FBXL13: variants seen among roughly 807,000 people sequenced by gnomAD.
The protein encoded by FBXL13 is F-box and leucine rich repeat protein 13.
In FBXL13, 67 loss-of-function variants were observed where a neutral mutation model predicts 83.6. That is an observed-to-expected ratio of 0.80 (90% CI 0.66 to 0.98). The LOEUF (loss-of-function observed/expected upper bound fraction) is 0.98, where lower values mean the gene tolerates loss of function less well. Ranked by LOEUF, FBXL13 falls within the 50% of genes least tolerant of loss-of-function variation. FBXL13 has a pLI of 0.00. For missense variants in FBXL13, 822 were observed against 866.5 expected (o/e 0.95, Z 0.64); for synonymous variants, 272 against 299.5 (o/e 0.91, Z 0.95).
intron 17 of FBXL13, among the ~76,000 whole-genome samples, chr7:102,848,543 G>A (rs1257594402): frequency 4.2e-5 from 1 of 23,568 alleles, no homozygotes; most frequent in Non-Finnish European, 5.9e-5. Context: ...GCGACAGAGC[G>A]AGACTCCGTC....
At chr7:102,959,337 A>G (rs1342881701) in intron 8 of FBXL13, among the ~76,000 whole-genome samples, 1 of 151,886 alleles carries the variant, frequency 6.6e-6, no homozygotes, top group Non-Finnish European at 1.5e-5. Context: ...AATTCTATCT[A>G]TTTGCACAAC....
At chr7:103,029,611 AT>A (rs1794297043) in intron 2 of FBXL13, among the ~76,000 whole-genome samples, 193 bp from the exon 4 acceptor site, 2 of 152,074 alleles carry the variant, frequency 1.3e-5, no homozygotes, top group African/African-American at 2.4e-5. Context: ...TCTGTAAGCT[AT>A]TTTTTTAAGT....
intron 1 of FBXL13, among the ~76,000 whole-genome samples, chr7:103,065,125 C>G (rs892876482): frequency 5.9e-5 from 9 of 152,112 alleles, no homozygotes; most frequent in African/African-American, 2.2e-4. Flanking sequence ...GACTACACAG[C>G]CAAATCAAAT....
At chr7:103,056,047 T>C (rs1429502435) in intron 1 of FBXL13, among the ~76,000 whole-genome samples, 6 of 152,284 alleles carry the variant, frequency 3.9e-5, no homozygotes, top group South Asian at 2.1e-4. Context: ...TGTATCATTC[T>C]ATGTCTTTGC....
intron 6 of FBXL13, among the ~76,000 whole-genome samples, chr7:102,974,680 G>A (rs2129482712): frequency 1.3e-5 from 2 of 152,088 alleles, no homozygotes; most frequent in South Asian, 4.2e-4. Context: ...TCGCCACCCA[G>A]ATCACCTTTC....
intron 10 of FBXL13, among the ~76,000 whole-genome samples, chr7:102,924,116 T>C (rs1365730984): frequency 6.6e-6 from 1 of 151,354 alleles, no homozygotes; most frequent in Non-Finnish European, 1.5e-5. Context: ...CACATGCCTC[T>C]AATCCCAGCT....
chr7:102,841,989 C>T (rs1803023821), intron 17 of FBXL13, among the ~76,000 whole-genome samples: 1 of 152,198 alleles, frequency 6.6e-6, no homozygotes, highest in Non-Finnish European at 1.5e-5. Flanking sequence ...TTTCCTCTCC[C>T]AATACCCTGT....
intron 16 of FBXL13, among the ~76,000 whole-genome samples, chr7:102,864,781 G>C (rs930649259): frequency 6.6e-6 from 1 of 152,168 alleles, no homozygotes; most frequent in Non-Finnish European, 1.5e-5. Context: ...GATGCATATA[G>C]TGCTTGCCAT....
intron 6 of FBXL13, among the ~76,000 whole-genome samples, chr7:102,997,202 G>A (rs907855227): frequency 3.3e-5 from 5 of 152,116 alleles, no homozygotes; most frequent in African/African-American, 1.2e-4. Context: ...CAAAATGAAT[G>A]ACCGCGGAAA....
intron 6 of FBXL13, among the ~76,000 whole-genome samples, chr7:103,003,283 T>G (rs1263872059): frequency 4.4e-5 from 5 of 112,802 alleles, no homozygotes; most frequent in African/African-American, 1.7e-4. Flanking sequence ...TTGGGGTTTT[T>G]TTTTTTTTTT....
At chr7:102,878,839 C>T (rs969985075) in intron 14 of FBXL13, among the ~76,000 whole-genome samples, 1 of 152,154 alleles carries the variant, frequency 6.6e-6, no homozygotes, top group Non-Finnish European at 1.5e-5. Flanking sequence ...AAACTACTGC[C>T]ATGATTTTGG....
intron 19 of FBXL13, among the ~76,000 whole-genome samples, chr7:102,815,639 C>A (rs1466204060): frequency 1.3e-5 from 2 of 152,068 alleles, no homozygotes; most frequent in Non-Finnish European, 2.9e-5. Context: ...ATGATCTTGA[C>A]CTATAGGAAA....
intron 2 of FBXL13, 92 bp from the exon 4 acceptor site, chr7:103,029,510 T>C (rs1255579123): frequency 4.7e-6 from 3 of 638,418 alleles, no homozygotes; most frequent in East Asian, 7.0e-5. Context: ...AAGAGAGCAA[T>C]GGATGCCAAG....
intron 11 of FBXL13, among the ~76,000 whole-genome samples, chr7:102,905,068 A>C (rs754286514): frequency 6.6e-6 from 1 of 151,574 alleles, no homozygotes; most frequent in Non-Finnish European, 1.5e-5. Context: ...TGTCCTGAGG[A>C]AAAGAATGTG....
At chr7:103,020,843 C>G (rs1793071831) in intron 6 of FBXL13, among the ~76,000 whole-genome samples, 2 of 152,134 alleles carry the variant, frequency 1.3e-5, no homozygotes, top group African/African-American at 2.4e-5. Flanking sequence ...AGAACACAAA[C>G]AAATGGAAAA....
At chr7:103,005,771 T>C (rs1350624140) in intron 6 of FBXL13, among the ~76,000 whole-genome samples, 2 of 152,026 alleles carry the variant, frequency 1.3e-5, no homozygotes, top group African/African-American at 4.8e-5. Context: ...TATAGTACAT[T>C]GAGGACCAGG....
rs186851238 is a variant in FBXL13, at chr7:102,894,824, A to T, written c.1009-10512T>A. 3.0e-3 allele frequency among the ~76,000 whole-genome samples: 450 copies of T among 152,280 alleles called. 3 individuals carry two copies. The highest frequency in any genetic ancestry group is 3.7e-3 in the Non-Finnish European group (249 of 68,022). On this transcript the variant is annotated intron_variant, in intron 11 of 19. Coordinates refer to ENST00000313221, the Ensembl canonical transcript of FBXL13. ...CTTTTCTTTCTGTAAATTTAAAGAA[A>T]TATCAGACTTGACCTTACCAAGAAA...
intron 17 of FBXL13, among the ~76,000 whole-genome samples, chr7:102,847,492 C>T (rs1804204224): frequency 6.6e-6 from 1 of 151,976 alleles, no homozygotes. Flanking sequence ...AAAACATAGA[C>T]AAAAAGGTAA....
intron 11 of FBXL13, among the ~76,000 whole-genome samples, chr7:102,887,721 A>G (rs752587138): frequency 6.6e-6 from 1 of 152,208 alleles, no homozygotes; most frequent in Non-Finnish European, 1.5e-5. Context: ...CTCAAAGTCT[A>G]CTGATTTAAA....
Sources: gnomAD v4.1 joint callset for allele counts (sites outside exome capture counted in the v4.1 genomes callset) on GRCh38, gnomAD v4.1.1 for gene constraint, MANE v1.5 for transcripts, NCBI Gene and HGNC (gene_info 2026-07-23, HGNC 2026-07-21) for gene names.